Variants in FSTL5 observed in about 807,000 individuals in gnomAD.
The protein encoded by FSTL5 is follistatin-related protein 5.
A neutral mutation model predicts 89.1 loss-of-function variants in FSTL5; 62 were observed. The observed-to-expected ratio is 0.70, with a 90% CI of 0.57 to 0.86. The LOEUF is 0.86. Among genes scored for constraint, FSTL5 ranks in the 40% least tolerant of loss-of-function variants. The pLI is 0.00. For missense variants in FSTL5, 1,057 were observed against 1,001.6 expected, an observed-to-expected ratio of 1.06 and a Z score of -0.75; for synonymous variants, 383 against 346.2, an observed-to-expected ratio of 1.11 and a Z score of -1.18.
chr4:162,054,818 C>G (rs927805774), intron 2 of FSTL5, among the ~76,000 whole-genome samples: 1 of 151,882 alleles, frequency 6.6e-6, no homozygotes, highest in African/African-American at 2.4e-5. Context: ...ATACAGTGTA[C>G]CTGTATCCCA....
At chr4:162,113,279 G>C (rs1231189514) in intron 1 of FSTL5, among the ~76,000 whole-genome samples, 1 of 150,578 alleles carries the variant, frequency 6.6e-6, no homozygotes, top group Non-Finnish European at 1.5e-5. Context: ...AAACATCTTT[G>C]ATATCTCTTG....
intron 2 of FSTL5, among the ~76,000 whole-genome samples, chr4:162,042,307 T>C (rs1024434918): frequency 1.3e-5 from 2 of 152,162 alleles, no homozygotes; most frequent in African/African-American, 4.8e-5. Context: ...TTTGCTTGTT[T>C]TCACCAAGAT....
chr4:162,018,045 G>C (rs1736966406), intron 3 of FSTL5, among the ~76,000 whole-genome samples: 1 of 152,136 alleles, frequency 6.6e-6, no homozygotes, highest in Non-Finnish European at 1.5e-5. Context: ...CCAGTTCTGT[G>C]AGTTGCCCTC....
At chr4:161,979,656 T>C (rs912375372) in intron 3 of FSTL5, among the ~76,000 whole-genome samples, 1 of 152,102 alleles carries the variant, frequency 6.6e-6, no homozygotes, top group Admixed American at 6.5e-5. Flanking sequence ...AATATCAAAT[T>C]GTACAAAGGG....
chr4:161,818,514 G>C (rs914494386), intron 4 of FSTL5, among the ~76,000 whole-genome samples: 3 of 152,148 alleles, frequency 2.0e-5, no homozygotes, highest in Admixed American at 6.5e-5. Flanking sequence ...GTGGGGCTTT[G>C]GGAGCTGTGA....
At chr4:161,764,158 T>TA (rs1213719847) in intron 5 of FSTL5, among the ~76,000 whole-genome samples, 1 of 152,212 alleles carries the variant, frequency 6.6e-6, no homozygotes, top group Non-Finnish European at 1.5e-5. Context: ...AGCAGTACTC[T>TA]AAAAAATAGA....
In FSTL5 at chr4:161,591,184, A is replaced by G. The variant is rs563202969; in HGVS notation, c.895-3609T>C. Among the ~76,000 whole-genome samples the G allele has an allele frequency of 3.3e-5, 5 of 152,336 alleles. No individual in the cohort carries two copies. The South Asian group carries it at 1.0e-3, about 32-fold the overall frequency. ...CCTTTGCATGAATCTTGAAATTAAT[A>G]TGCTAAGTGAAAGAAGCCAGACACA... is the stretch of plus-strand genomic sequence containing the variant. On this transcript the variant is annotated intron_variant, in intron 7 of 15. Transcript: ENST00000306100.
intron 4 of FSTL5, among the ~76,000 whole-genome samples, chr4:161,825,740 G>A (rs1178305360): frequency 2.0e-5 from 3 of 151,900 alleles, no homozygotes; most frequent in Non-Finnish European, 4.4e-5. Flanking sequence ...AATATCACTT[G>A]TTTCATTTTT....
chr4:161,883,194 C>T (rs895535971), intron 4 of FSTL5, among the ~76,000 whole-genome samples: 12 of 152,138 alleles, frequency 7.9e-5, no homozygotes, highest in African/African-American at 2.9e-4. Context: ...TAAGTGTACA[C>T]ACCTGTAATA....
At chr4:162,100,775 A>G (rs1472260338) in intron 2 of FSTL5, among the ~76,000 whole-genome samples, 4 of 152,158 alleles carry the variant, frequency 2.6e-5, no homozygotes, top group African/African-American at 9.7e-5. Context: ...GGGGGTATAG[A>G]GTGACTCTTT....
At chr4:161,450,052 C>T (rs567250658) in intron 15 of FSTL5, among the ~76,000 whole-genome samples, 1 of 152,046 alleles carries the variant, frequency 6.6e-6, no homozygotes. Context: ...GTAGTTCTCA[C>T]TTTCATCCCC....
intron 4 of FSTL5, among the ~76,000 whole-genome samples, chr4:161,876,290 A>G (rs1021914522): frequency 6.6e-6 from 1 of 152,226 alleles, no homozygotes; most frequent in African/African-American, 2.4e-5. Context: ...ACATCATTCA[A>G]ATGAATGTTT....
chr4:161,876,616 T>A (rs533665554), intron 4 of FSTL5, among the ~76,000 whole-genome samples: 1 of 152,258 alleles, frequency 6.6e-6, no homozygotes, highest in South Asian at 2.1e-4. Context: ...GGCTCATGCC[T>A]ATAGTGCCAG....
At chr4:161,415,388 T>C (rs2110948859) in intron 15 of FSTL5, among the ~76,000 whole-genome samples, 1 of 152,178 alleles carries the variant, frequency 6.6e-6, no homozygotes, top group South Asian at 2.1e-4. Context: ...CCTGAGTGGC[T>C]TGGGTTACAG....
chr4:161,736,697 C>A (rs975566902), intron 6 of FSTL5, among the ~76,000 whole-genome samples: 9 of 152,072 alleles, frequency 5.9e-5, no homozygotes, highest in African/African-American at 2.2e-4. Flanking sequence ...GAGGGGGCTG[C>A]ATAATCTGAA....
chr4:161,564,708 A>G (rs4691011), intron 8 of FSTL5, among the ~76,000 whole-genome samples: 72,311 of 151,184 alleles, frequency 0.48, 17,567 homozygotes, highest in Middle Eastern at 0.6. Flanking sequence ...AGATACTTCC[A>G]AAGACATAAT....
chr4:161,479,846 A>G (rs571015026), intron 13 of FSTL5, among the ~76,000 whole-genome samples: 6 of 152,332 alleles, frequency 3.9e-5, no homozygotes, highest in African/African-American at 1.4e-4. Flanking sequence ...CATAGAAGAA[A>G]TGTTTTTCAT....
intron 2 of FSTL5, among the ~76,000 whole-genome samples, chr4:162,109,969 A>C (rs1731370913): frequency 6.6e-6 from 1 of 152,044 alleles, no homozygotes; most frequent in Admixed American, 6.6e-5. Context: ...CTGGGGATAA[A>C]ACTGATTATT....
chr4:161,789,014 C>T (rs1291621911), intron 4 of FSTL5, among the ~76,000 whole-genome samples: 1 of 152,106 alleles, frequency 6.6e-6, no homozygotes, highest in African/African-American at 2.4e-5. Context: ...TTTCTTATTT[C>T]ATTTACTGAT....
Sources: allele counts gnomAD v4.1 joint callset (sites outside exome capture counted in the v4.1 genomes callset), GRCh38; gene constraint gnomAD v4.1.1; transcripts MANE v1.5; gene names NCBI Gene and HGNC (gene_info 2026-07-23, HGNC 2026-07-21).